Variants in ELP3 observed in about 807,000 individuals in gnomAD.
The protein encoded by ELP3 is elongator complex protein 3.
Under a neutral mutation model 74.9 loss-of-function variants are expected in ELP3, and 56 were observed. That is an observed-to-expected ratio of 0.75 (90% CI 0.60 to 0.93). The LOEUF (loss-of-function observed/expected upper bound fraction) is 0.93. ELP3 is among the 40% of genes least tolerant of loss of function. ELP3 has a pLI of 0.00. For synonymous variants in ELP3, 222 were observed against 239.8 expected, an observed-to-expected ratio of 0.93 and a Z score of 0.68; for missense variants, 573 against 686.5, an observed-to-expected ratio of 0.83 and a Z score of 1.85.
Position 28,190,760 on chromosome 8 carries a change from T to C in ELP3, c.*1035T>C, listed in dbSNP as rs1365601893. On this transcript the variant is annotated 3_prime_UTR_variant, in exon 15 of 15. Coordinates refer to ENST00000256398, the MANE Select transcript of ELP3 (RefSeq NM_018091.6). ...TTTAGTAGAGATGGGGGTTTCACCA[T>C]ATTGGTCAGGCTGGTCTCGAACTCC... 2.0e-5 allele frequency: 3 copies of C among 152,122 alleles called. No individual in the cohort carries two copies. Among genetic ancestry groups the C allele is most frequent in the Non-Finnish European group, 4.4e-5 (3 of 68,018 alleles). The allele number at this position is 152,122 out of a possible 1,614,324, so 9.4% of individuals were successfully genotyped here.
chr8:28,151,999 G>C (rs1483691204), intron 10 of ELP3, among the ~76,000 whole-genome samples: 1 of 152,108 alleles, frequency 6.6e-6, no homozygotes, highest in African/African-American at 2.4e-5. Flanking sequence ...TAGAATTCAG[G>C]TTTTCTTACC....
intron 13 of ELP3, among the ~76,000 whole-genome samples, chr8:28,161,506 G>A (rs137933522): frequency 1.3e-5 from 2 of 151,854 alleles, no homozygotes; most frequent in African/African-American, 4.8e-5. Flanking sequence ...CCTGGGAGGC[G>A]GAGGTTGCAG....
intron 14 of ELP3, among the ~76,000 whole-genome samples, chr8:28,171,856 A>G (rs75310455): frequency 0.01 from 1,552 of 152,192 alleles, 26 homozygotes; most frequent in African/African-American, 0.035. Flanking sequence ...GTAAGAGTCT[A>G]ATTTAATTAT....
chr8:28,137,610 G>A, intron 9 of ELP3, 88 bp from the exon 10 acceptor site: 1 of 1,335,210 alleles, frequency 7.5e-7, no homozygotes, highest in Non-Finnish European at 1.1e-6. Flanking sequence ...TACTGGGTGT[G>A]CCAGAGAAGC....
At chr8:28,170,917 T>C (rs1341907571) in intron 14 of ELP3, among the ~76,000 whole-genome samples, 1 of 152,198 alleles carries the variant, frequency 6.6e-6, no homozygotes, top group Non-Finnish European at 1.5e-5. Flanking sequence ...ATTTTCTGTC[T>C]CTGTGAAGTG....
chr8:28,099,350 G>A (rs1408812954), intron 2 of ELP3, among the ~76,000 whole-genome samples: 1 of 152,024 alleles, frequency 6.6e-6, no homozygotes, highest in Admixed American at 6.6e-5. Context: ...CAGGACATTT[G>A]GCAATGTCTA....
chr8:28,123,333 T>G (rs1812446792), intron 7 of ELP3, among the ~76,000 whole-genome samples: 1 of 152,220 alleles, frequency 6.6e-6, no homozygotes, highest in South Asian at 2.1e-4. Flanking sequence ...GAGGTTTTTC[T>G]TGATATCTTA....
intron 13 of ELP3, among the ~76,000 whole-genome samples, chr8:28,161,279 A>G (rs1216127537): frequency 6.6e-6 from 1 of 152,206 alleles, no homozygotes; most frequent in African/African-American, 2.4e-5. Flanking sequence ...CAACTCTTAG[A>G]AAGTAGAGAG....
chr8:28,137,559 G>C, intron 9 of ELP3, 139 bp from the exon 10 acceptor site: 1 of 725,494 alleles, frequency 1.4e-6, no homozygotes, highest in South Asian at 1.8e-5. Flanking sequence ...TGTTCTGTCT[G>C]TACGCCCTAC....
upstream of ELP3, among the ~76,000 whole-genome samples, chr8:28,090,874 G>T (rs1183505212): frequency 1.3e-5 from 2 of 151,678 alleles, no homozygotes; most frequent in Non-Finnish European, 2.9e-5. Context: ...CAGGTAGCAG[G>T]CTTCAGAGAG....
chr8:28,113,278 C>T, intron 7 of ELP3, 105 bp downstream of exon 7: 1 of 765,548 alleles, frequency 1.3e-6, no homozygotes, highest in African/African-American at 1.8e-5. Context: ...ATTCTTACTT[C>T]TCATAATCTT....
chr8:28,091,950 A>C (rs541343288), upstream of ELP3, among the ~76,000 whole-genome samples: 423 of 152,370 alleles, frequency 2.8e-3, 4 homozygotes, highest in South Asian at 4.1e-3. Flanking sequence ...AAGACAAAGT[A>C]AACATAGAGG....
intron 14 of ELP3, chr8:28,183,200 A>AT: frequency 2.2e-6 from 1 of 461,182 alleles, no homozygotes; most frequent in Non-Finnish European, 4.4e-6. Context: ...AAAGGGGTGG[A>AT]TGTCCTGGGG....
At chr8:28,132,802 G>T (rs912472065) in intron 9 of ELP3, among the ~76,000 whole-genome samples, 1 of 152,058 alleles carries the variant, frequency 6.6e-6, no homozygotes, top group Non-Finnish European at 1.5e-5. Context: ...AATTTAATAT[G>T]TCATACCTTG....
At chr8:28,109,769 A>G (rs1450212933) in intron 5 of ELP3, among the ~76,000 whole-genome samples, 4 of 152,214 alleles carry the variant, frequency 2.6e-5, no homozygotes, top group Admixed American at 1.3e-4. Context: ...TTTTCCAGTT[A>G]TGGCATCATG....
intron 10 of ELP3, among the ~76,000 whole-genome samples, chr8:28,150,421 T>C (rs1813597629): frequency 6.6e-6 from 1 of 152,192 alleles, no homozygotes; most frequent in Non-Finnish European, 1.5e-5. Context: ...TGAATTTTTG[T>C]CTGAGAAAGC....
chr8:28,163,796 TC>T (rs1814200718), intron 14 of ELP3, among the ~76,000 whole-genome samples: 1 of 152,156 alleles, frequency 6.6e-6, no homozygotes, highest in African/African-American at 2.4e-5. Context: ...CTGTTAGCGT[TC>T]TAGTAAAGTG....
At chr8:28,103,391 C>CT (rs376048418) in intron 3 of ELP3, among the ~76,000 whole-genome samples, 41 of 151,586 alleles carry the variant, frequency 2.7e-4, no homozygotes, top group African/African-American at 6.3e-4. Flanking sequence ...GTAGCTCATT[C>CT]TTTTTTTTTA....
intron 14 of ELP3, chr8:28,183,303 G>T (rs1350867548): frequency 2.2e-6 from 1 of 448,886 alleles, no homozygotes; most frequent in Admixed American, 2.4e-5. Flanking sequence ...ATTGCTGGTT[G>T]AATGGGGAAG....
Sources: gnomAD v4.1 joint callset for allele counts (sites outside exome capture counted in the v4.1 genomes callset) on GRCh38, gnomAD v4.1.1 for gene constraint, MANE v1.5 for transcripts, NCBI Gene and HGNC (gene_info 2026-07-23, HGNC 2026-07-21) for gene names.